The following TSEN54 variants were observed in gnomAD, a reference collection of about 807,000 sequenced individuals.
TSEN54 encodes tRNA splicing endonuclease subunit 54, also known as tRNA-splicing endonuclease subunit Sen54.
A neutral mutation model predicts 61.9 loss-of-function variants in TSEN54; 55 were observed. The ratio of observed to expected loss-of-function variants is 0.89; its 90% CI spans 0.72 to 1.11. The LOEUF (loss-of-function observed/expected upper bound fraction) is 1.11, where lower values mean the gene tolerates loss of function less well. Among genes scored for constraint, TSEN54 ranks in the 50% most tolerant of loss-of-function variants. TSEN54 has a pLI of 0.00. For missense variants in TSEN54, 760 were observed against 687.7 expected (o/e 1.11, Z -1.18); for synonymous variants, 304 against 288.7 (o/e 1.05, Z -0.54).
In TSEN54 at chr17:75,522,000, G is replaced by T. The variant is rs113994152; in HGVS notation, c.919G>T (p.Ala307Ser). 2,086 of 1,595,388 alleles carry T rather than the reference G, an allele frequency of 1.3e-3. No individual in the cohort carries two copies. The highest frequency in any genetic ancestry group is 1.7e-3 in the Non-Finnish European group (1,952 of 1,172,362). Residue 307 changes from alanine to serine, a missense_variant, in exon 8 of 11, where the codon GCT (alanine) becomes TCT (serine). Coordinates refer to ENST00000333213, the MANE Select transcript of TSEN54 (RefSeq NM_207346.3). The part of the protein sequence containing the change: ...NFEQISFPNM[A>S]SDSRHTLLRA... ...CGAGCAGATCTCCTTCCCCAACATGGCTTCAGACAGCCGCCACACCCTTCT... is the reference window on the plus strand; with the variant it reads ...CGAGCAGATCTCCTTCCCCAACATGTCTTCAGACAGCCGCCACACCCTTCT...
Position 75,522,036 on chromosome 17 carries a change from G to T in TSEN54, c.955G>T (p.Ala319Ser). 1 of 1,592,686 alleles carries T rather than the reference G, an allele frequency of 6.3e-7. No homozygotes were observed. Among genetic ancestry groups the T allele is most frequent in the East Asian group, 2.3e-5 (1 of 43,616 alleles). The change falls in exon 8 of 11, where the codon GCC becomes TCC. Residue 319 changes from alanine to serine, a missense_variant. By Grantham distance (99) the Ala-to-Ser change is moderately conservative (BLOSUM62 1). This residue lies in a region of TSEN54 where 667 missense variants were observed against 577.8 expected (regional missense o/e 1.15). Transcript: ENST00000333213. ...DSRHTLLRAP[A>S]PELLPANVAG... ...CCGCCACACCCTTCTGCGCGCCCCA[G>T]CCCCAGAGCTGCTCCCGGCCAACGT...
intron 10 of TSEN54, 109 bp from the exon 11 acceptor site, chr17:75,524,153 G>A: frequency 6.7e-7 from 1 of 1,491,382 alleles, no homozygotes. Context: ...AGAACTCATG[G>A]GTCAGAATTC....
chr17:75,521,455 G>T lies in TSEN54; in HGVS notation c.568G>T (p.Val190Leu), dbSNP rs79508780. Reference protein sequence around the residue: ...YERQLNLDASVQHLEDGDGKR... With the variant: ...YERQLNLDASLQHLEDGDGKR... ...GAGGCAGCTTAACCTGGATGCCAGC[G>T]TGCAGCACTTGGAGGATGGAGATGG... Residue 190 changes from valine to leucine, a missense_variant, in exon 7 of 11, where the codon GTG (valine) becomes TTG (leucine). Around this residue, in one of 3 missense-constraint regions of TSEN54, gnomAD observed 667 missense variants for 577.8 expected, o/e 1.15. Coordinates refer to ENST00000333213, the MANE Select transcript of TSEN54 (RefSeq NM_207346.3). 6 of 1,614,068 alleles carry T rather than the reference G, an allele frequency of 3.7e-6. No individual in the cohort carries two copies. The highest frequency in any genetic ancestry group is 8.5e-7 in the Non-Finnish European group (1 of 1,180,010).
In TSEN54 at chr17:75,522,219, G is replaced by C. The variant is rs587784475; in HGVS notation, c.1138G>C (p.Glu380Gln). 3 of 1,548,012 alleles carry C rather than the reference G, an allele frequency of 1.9e-6. No homozygotes were observed. In the African/African-American group the frequency reaches 4.1e-5, roughly 21 times the overall value. The part of the protein sequence containing the change: ...PEVQRCSSWR[E>Q]YKELLQRRQV... ...GGTGCAGCGGTGCTCCAGCTGGCGG[G>C]AGTACAAGGAGCTGCTGCAGCGGCG... Residue 380 changes from glutamate to glutamine, a missense_variant, in exon 8 of 11, where the codon GAG becomes CAG. Glu to Gln is a conservative substitution (Grantham distance 29). This residue lies in a region of TSEN54 where 667 missense variants were observed against 577.8 expected (regional missense o/e 1.15). Coordinates refer to ENST00000333213, the MANE Select transcript of TSEN54 (RefSeq NM_207346.3).
intron 5 of TSEN54, chr17:75,518,684 A>T: frequency 1.0e-6 from 1 of 985,332 alleles, no homozygotes; most frequent in Non-Finnish European, 1.2e-6. Context: ...CACTCCTATG[A>T]GCTTTGTATC....
chr17:75,523,177 T>TAAA, intron 8 of TSEN54, 98 bp from the exon 9 acceptor site: 1 of 1,350,660 alleles, frequency 7.4e-7, no homozygotes, highest in Non-Finnish European at 1.0e-6. Flanking sequence ...AGACTCCGTT[T>TAAA]AAAAAAAAAA....
At chr17:75,516,701 G>C (rs1426381917) in intron 1 of TSEN54, 45 bp from the exon 2 acceptor site, 1 of 1,361,866 alleles carries the variant, frequency 7.3e-7, no homozygotes, top group Non-Finnish European at 9.4e-7. Context: ...CCGGCCAGGC[G>C]GCCCCCGATG....
chr17:75,521,934 G>A lies in TSEN54; in HGVS notation c.853G>A (p.Glu285Lys), dbSNP rs762345580. ...GTGCAGCTGGGAGAGTGGCAGAGCC[G>A]AGAACGGAGTCACGGGAGCCGGTAA... ...VGCSWESGRA[E>K]NGVTGAGKRR... Residue 285 changes from glutamate to lysine, a missense_variant, in exon 8 of 11, where the codon GAG becomes AAG. By Grantham distance (56) the Glu-to-Lys change is moderately conservative. Transcript: ENST00000333213. 4 of 1,610,476 alleles carry A rather than the reference G, an allele frequency of 2.5e-6. No homozygotes were observed. Among genetic ancestry groups the A allele is most frequent in the South Asian group, 1.1e-5 (1 of 90,836 alleles).
rs1453830411 is a variant in TSEN54 at position 75,516,862 on chromosome 17, G to C, written c.173G>C (p.Cys58Ser). The C allele has an allele frequency of 3.2e-6, 5 of 1,567,950 alleles. No homozygotes were observed. In the South Asian group the frequency reaches 4.6e-5, roughly 14 times the overall value. The change falls in exon 2 of 11, where the codon TGC becomes TCC. Residue 58 changes from cysteine to serine, a missense_variant. By Grantham distance (112) the Cys-to-Ser change is moderately radical (BLOSUM62 -1). This residue lies in a region of TSEN54 where 667 missense variants were observed against 577.8 expected (regional missense o/e 1.15). Transcript: ENST00000333213. ...SAAQAERLRR[C>S]REELWQLLAE... ...GCTCAGGCCGAGCGGCTGCGCCGGT[G>C]CCGGGAAGAGCTCTGGCAGCTGCTG...
intron 5 of TSEN54, among the ~76,000 whole-genome samples, chr17:75,518,327 G>A (rs1458585335): frequency 6.6e-6 from 1 of 152,232 alleles, no homozygotes; most frequent in African/African-American, 2.4e-5. Context: ...TGCCATCAGA[G>A]TAGAGGGCTG....
chr17:75,520,619 G>A (rs557619937), intron 6 of TSEN54, among the ~76,000 whole-genome samples: 47 of 146,118 alleles, frequency 3.2e-4, no homozygotes, highest in African/African-American at 9.7e-4. Flanking sequence ...GCCACCTGTC[G>A]CTAGTGGCTC....
At chr17:75,522,415 G>A in intron 8 of TSEN54, 82 bp downstream of exon 8, 2 of 1,533,216 alleles carry the variant, frequency 1.3e-6, no homozygotes, top group Admixed American at 2.0e-5. Flanking sequence ...TGGATGAACT[G>A]GGATGGATTG....
chr17:75,517,352 C>G, intron 4 of TSEN54, 108 bp downstream of exon 4: 3 of 1,366,280 alleles, frequency 2.2e-6, no homozygotes, highest in Non-Finnish European at 2.0e-6. Flanking sequence ...AACTGATAAC[C>G]AAACTTCTAA....
chr17:75,517,678 C>T (rs778702469), intron 5 of TSEN54, 23 bp downstream of exon 5: 6 of 1,585,524 alleles, frequency 3.8e-6, no homozygotes, highest in East Asian at 2.2e-5. Context: ...ACCCCGCCTC[C>T]GGGAGCCACC....
At position 75,522,195 on chromosome 17, in the gene TSEN54, G is replaced by A. The variant is rs200434678; in HGVS notation, c.1114G>A (p.Val372Met). The A allele has an allele frequency of 5.5e-4, 853 of 1,550,716 alleles. 2 individuals carry two copies. The highest frequency in any genetic ancestry group is 1.3e-3 in the Middle Eastern group (8 of 5,960). ...GGAAGATGTCAACGCCGATCCCGAG[G>A]TGCAGCGGTGCTCCAGCTGGCGGGA... is the stretch of plus-strand genomic sequence containing the variant. ...FQEDVNADPEVQRCSSWREYK... is the reference protein window; with the variant it reads ...FQEDVNADPEMQRCSSWREYK... Residue 372 changes from valine (V) to methionine (M), a missense_variant, in exon 8 of 11, where the codon GTG becomes ATG. Transcript: ENST00000333213.
chr17:75,521,602 G>C (rs1208332009), intron 7 of TSEN54, 92 bp downstream of exon 7: 1 of 1,562,854 alleles, frequency 6.4e-7, no homozygotes, highest in Non-Finnish European at 8.8e-7. Flanking sequence ...CAGCTCCCAT[G>C]CAGGCTCAGG....
At chr17:75,522,946 C>T (rs565394885) in intron 8 of TSEN54, 28 of 376,124 alleles carry the variant, frequency 7.4e-5, no homozygotes, top group African/African-American at 5.0e-4. Context: ...TTTGGGAGGC[C>T]GAGGCGGGCA....
chr17:75,517,140 C>T (rs1038060606), intron 3 of TSEN54, 21 bp from the exon 4 acceptor site: 7 of 1,484,000 alleles, frequency 4.7e-6, no homozygotes, highest in Non-Finnish European at 6.4e-6. Context: ...CCTTGTGACA[C>T]TTGCTCTGGG....
chr17:75,516,991 C>T lies in TSEN54; in HGVS notation c.222-18C>T, dbSNP rs113255333. Reference sequence around the variant, plus strand: ...CTCCGGAATGGACTGACGCAGACCCCTCCCCACTCCTCGCCAGGGGCAGCT... The same window carrying T: ...CTCCGGAATGGACTGACGCAGACCCTTCCCCACTCCTCGCCAGGGGCAGCT... On this transcript the variant is annotated intron_variant, in intron 2 of 10. Transcript: ENST00000333213. 44,069 of 1,570,044 alleles carry T rather than the reference C, an allele frequency of 0.028. 777 individuals are homozygous for T. Among genetic ancestry groups the T allele is most frequent in the Middle Eastern group, 0.052 (308 of 5,938 alleles).
Sources: allele counts gnomAD v4.1 joint callset (sites outside exome capture counted in the v4.1 genomes callset), GRCh38; gene constraint gnomAD v4.1.1; regional missense constraint gnomAD v4.1.1; transcripts MANE v1.5; gene names NCBI Gene and HGNC (gene_info 2026-07-23, HGNC 2026-07-21).